CSMD1: variants seen among roughly 807,000 people sequenced by gnomAD.
CSMD1 encodes CUB and Sushi multiple domains 1, also known as CUB and sushi domain-containing protein 1.
Under a neutral mutation model 417.5 loss-of-function variants are expected in CSMD1, and 213 were observed. The observed-to-expected ratio is 0.51, with a 90% CI of 0.46 to 0.57. The LOEUF (loss-of-function observed/expected upper bound fraction) is 0.57. Among genes scored for constraint, CSMD1 ranks in the 20% least tolerant of loss-of-function variants. The pLI is 0.00. For missense variants in CSMD1, 6,923 were observed against 4,529.7 expected, an observed-to-expected ratio of 1.53 and a Z score of -15.17; for synonymous variants, 2,862 against 1,736.8, an observed-to-expected ratio of 1.65 and a Z score of -16.11.
chr8:4,674,056 T>C (rs552083664), intron 1 of CSMD1, among the ~76,000 whole-genome samples: 6 of 152,218 alleles, frequency 3.9e-5, no homozygotes, highest in African/African-American at 1.4e-4. Context: ...TTATTAAAAT[T>C]CTAAATGGAG....
intron 1 of CSMD1, among the ~76,000 whole-genome samples, chr8:4,876,997 CA>C (rs1430600654): frequency 1.3e-5 from 2 of 151,904 alleles, no homozygotes; most frequent in Non-Finnish European, 2.9e-5. Flanking sequence ...AAGTATAATA[CA>C]AAGATAAAAG....
chr8:4,582,671 C>G (rs1266919437), intron 2 of CSMD1, among the ~76,000 whole-genome samples: 1 of 152,206 alleles, frequency 6.6e-6, no homozygotes, highest in Non-Finnish European at 1.5e-5. Context: ...GGCTGGCAGT[C>G]CTCCCAGCCC....
Position 3,308,476 on chromosome 8 carries a change from G to A in CSMD1, c.3659C>T (p.Pro1220Leu), listed in dbSNP as rs777083383. The change falls in exon 24 of 70, where the codon CCG (proline) becomes CTG (leucine). Residue 1220 changes from proline (P) to leucine (L), a missense_variant. Coordinates refer to ENST00000635120, the MANE Select transcript of CSMD1 (RefSeq NM_033225.6). ...TSFDLVKCED[P>L]GIPNYGYRIR... ...CCTATAGCCGTAGTTAGGGATGCCC[G>A]GATCCTCACATTTTACCAGATCAAA... The A allele has an allele frequency of 2.3e-5, 37 of 1,612,652 alleles. No individual in the cohort carries two copies. Among genetic ancestry groups the A allele is most frequent in the Middle Eastern group, 1.6e-4 (1 of 6,068 alleles).
At chr8:4,986,313 C>T (rs1811175937) in intron 1 of CSMD1, among the ~76,000 whole-genome samples, 1 of 151,974 alleles carries the variant, frequency 6.6e-6, no homozygotes, top group African/African-American at 2.4e-5. Context: ...TGAGAGTCCC[C>T]GACATCCTTT....
At chr8:2,978,364 T>C (rs1805111437) in intron 55 of CSMD1, among the ~76,000 whole-genome samples, 1 of 152,210 alleles carries the variant, frequency 6.6e-6, no homozygotes, top group Non-Finnish European at 1.5e-5. Context: ...ATTGTCCAAG[T>C]GGCATCCAAT....
At chr8:4,970,292 T>C (rs1810158078) in intron 1 of CSMD1, among the ~76,000 whole-genome samples, 1 of 152,152 alleles carries the variant, frequency 6.6e-6, no homozygotes, top group African/African-American at 2.4e-5. Context: ...AGATCATTTG[T>C]CTGTAAAATG....
chr8:4,772,463 C>G (rs542003836), intron 1 of CSMD1, among the ~76,000 whole-genome samples: 1 of 152,150 alleles, frequency 6.6e-6, no homozygotes, highest in Non-Finnish European at 1.5e-5. Flanking sequence ...ATATCATGAG[C>G]GTCATCCGGT....
chr8:3,971,468 G>A (rs1294662700), intron 5 of CSMD1, among the ~76,000 whole-genome samples: 1 of 152,196 alleles, frequency 6.6e-6, no homozygotes, highest in East Asian at 1.9e-4. Context: ...GCAATTGCAA[G>A]TTGACAACTT....
intron 3 of CSMD1, among the ~76,000 whole-genome samples, chr8:4,191,333 C>G (rs549218361): frequency 3.1e-4 from 47 of 151,994 alleles, no homozygotes; most frequent in African/African-American, 9.9e-4. Flanking sequence ...GAGGCAGAGC[C>G]TGCAGTGAGC....
At chr8:3,524,055 A>G (rs1234280543) in intron 10 of CSMD1, among the ~76,000 whole-genome samples, 1 of 132,914 alleles carries the variant, frequency 7.5e-6, no homozygotes, top group Non-Finnish European at 1.8e-5. Context: ...AGACACGTGC[A>G]CACACATGCA....
At chr8:4,435,593 C>G (rs1188016730) in intron 2 of CSMD1, among the ~76,000 whole-genome samples, 1 of 152,216 alleles carries the variant, frequency 6.6e-6, no homozygotes. Context: ...ATCATGGAAT[C>G]TGCTCTTCAC....
intron 3 of CSMD1, among the ~76,000 whole-genome samples, chr8:4,159,068 A>G (rs1392558617): frequency 6.6e-6 from 1 of 152,072 alleles, no homozygotes; most frequent in Non-Finnish European, 1.5e-5. Context: ...GGCTTGCACC[A>G]CCAGGCCCAG....
rs543534048 is a variant in CSMD1 at position 4,190,895 on chromosome 8, T to C, written c.416-158796A>G. On this transcript the variant is annotated intron_variant, in intron 3 of 69. Transcript: ENST00000635120. ...ATCTGACTTCTAAGAGGGAGCTAAA[T>C]TGTGAGAACACATGGGTACACATAG... Among the ~76,000 whole-genome samples, 52 of 151,288 alleles carry C rather than the reference T, an allele frequency of 3.4e-4. 1 individual carries two copies. Among genetic ancestry groups the C allele is most frequent in the Admixed American group, 2.4e-3 (36 of 15,178 alleles).
intron 4 of CSMD1, among the ~76,000 whole-genome samples, chr8:4,030,791 C>G (rs1585166584): frequency 6.6e-6 from 1 of 152,046 alleles, no homozygotes; most frequent in Non-Finnish European, 1.5e-5. Context: ...GCTTTGCTTG[C>G]CTTATAAAAC....
intron 3 of CSMD1, among the ~76,000 whole-genome samples, chr8:4,268,725 AC>A (rs1353851248): frequency 6.6e-6 from 1 of 151,490 alleles, no homozygotes; most frequent in African/African-American, 2.4e-5. Flanking sequence ...ATAACCAAAT[AC>A]CCCCACTTAA....
At chr8:4,606,763 T>C (rs1022528354) in intron 2 of CSMD1, among the ~76,000 whole-genome samples, 1 of 152,204 alleles carries the variant, frequency 6.6e-6, no homozygotes, top group African/African-American at 2.4e-5. Context: ...GAAGGGATAG[T>C]AAATTTTCAA....
At chr8:3,904,202 C>G (rs927471801) in intron 5 of CSMD1, among the ~76,000 whole-genome samples, 1 of 152,132 alleles carries the variant, frequency 6.6e-6, no homozygotes, top group Non-Finnish European at 1.5e-5. Context: ...GTGTCTCATT[C>G]TGAAGTAACT....
In CSMD1 at chr8:3,260,710, G is replaced by A. The variant is rs146606776; in HGVS notation, c.4153+23434C>T. 9.9e-4 allele frequency among the ~76,000 whole-genome samples: 150 copies of A among 152,156 alleles called. 2 individuals carry two copies. The highest frequency in any genetic ancestry group is 2.8e-3 in the African/African-American group (117 of 41,502). On this transcript the variant is annotated intron_variant, in intron 26 of 69. Transcript: ENST00000635120. ...TTGAGTATTACACAAAACAAAATGAGAACCTCGACCTACCTCAAGAGTTAG... is the reference window on the plus strand; with the variant it reads ...TTGAGTATTACACAAAACAAAATGAAAACCTCGACCTACCTCAAGAGTTAG...
chr8:4,510,397 A>AAAAAAAAAAG (rs1802755278), intron 2 of CSMD1, among the ~76,000 whole-genome samples: 1 of 36,748 alleles, frequency 2.7e-5, no homozygotes, highest in African/African-American at 7.5e-5. Flanking sequence ...GCCTAAAAAA[A>AAAAAAAAAAG]AAAAAAAAAA....
Sources: gnomAD v4.1 joint callset for allele counts (sites outside exome capture counted in the v4.1 genomes callset) on GRCh38, gnomAD v4.1.1 for gene constraint, MANE v1.5 for transcripts, NCBI Gene and HGNC (gene_info 2026-07-23, HGNC 2026-07-21) for gene names.